Variants in MICU1 observed in about 807,000 individuals in gnomAD.
MICU1 encodes the protein calcium uptake protein 1, mitochondrial.
A neutral mutation model predicts 56.8 loss-of-function variants in MICU1; 45 were observed. That is an observed-to-expected ratio of 0.79 (90% CI 0.62 to 1.02). The LOEUF is 1.02. Ranked by LOEUF, MICU1 falls within the 50% of genes least tolerant of loss-of-function variation. The pLI is 0.00. For missense variants in MICU1, 504 were observed against 587.1 expected (o/e 0.86, Z 1.46); for synonymous variants, 186 against 195.1 (o/e 0.95, Z 0.39).
chr10:72,569,229 A>ATTTTTTTT (rs1246062078), intron 1 of MICU1, among the ~76,000 whole-genome samples: 115 of 37,700 alleles, frequency 3.1e-3, no homozygotes, highest in South Asian at 9.5e-3. Context: ...ATATATATAT[A>ATTTTTTTT]TATATATATT....
At chr10:72,391,346 C>A (rs945702680) in intron 10 of MICU1, among the ~76,000 whole-genome samples, 1 of 151,946 alleles carries the variant, frequency 6.6e-6, no homozygotes, top group African/African-American at 2.4e-5. Context: ...GCAGGAGGAT[C>A]GCTTGAATCT....
intron 9 of MICU1, among the ~76,000 whole-genome samples, chr10:72,411,085 T>C (rs559500701): frequency 2.6e-5 from 4 of 152,126 alleles, no homozygotes; most frequent in African/African-American, 9.7e-5. Flanking sequence ...CTCGAAGACA[T>C]TATGCCAAGT....
At chr10:72,445,704 G>T (rs1349956040) in intron 8 of MICU1, among the ~76,000 whole-genome samples, 1 of 152,198 alleles carries the variant, frequency 6.6e-6, no homozygotes, top group Non-Finnish European at 1.5e-5. Flanking sequence ...TTTGCAGTTA[G>T]GCAGACTTGG....
Position 72,372,923 on chromosome 10 carries a change from A to AG in MICU1, c.1270+2859_1270+2860insC, listed in dbSNP as rs558479918. Reference sequence around the variant, plus strand: ...AACAAGAGTGAGCCTCAAAAAAAAAAAAAAAAGAAAAAAGAAAAAGAAGCT... The same window carrying AG: ...AACAAGAGTGAGCCTCAAAAAAAAAAGAAAAAAGAAAAAAGAAAAAGAAGCT... On this transcript the variant is annotated intron_variant, in intron 11 of 11. Coordinates refer to ENST00000361114, the MANE Select transcript of MICU1 (RefSeq NM_001195518.2). Among the ~76,000 whole-genome samples, 420 of 151,920 alleles carry AG rather than the reference A, an allele frequency of 2.8e-3. 2 individuals carry two copies. The highest frequency in any genetic ancestry group is 9.6e-3 in the African/African-American group (398 of 41,484).
intron 1 of MICU1, among the ~76,000 whole-genome samples, chr10:72,617,441 T>C (rs1478052348): frequency 1.3e-5 from 2 of 152,134 alleles, no homozygotes; most frequent in Non-Finnish European, 2.9e-5. Context: ...TGATATCCAT[T>C]ACCTTATTTA....
chr10:72,442,495 T>C (rs988096336), intron 8 of MICU1, among the ~76,000 whole-genome samples: 1 of 152,176 alleles, frequency 6.6e-6, no homozygotes, highest in Non-Finnish European at 1.5e-5. Context: ...GTAAGGAGAA[T>C]CCAATCTATT....
At chr10:72,467,211 T>C (rs185750125) in intron 8 of MICU1, among the ~76,000 whole-genome samples, 1 of 152,192 alleles carries the variant, frequency 6.6e-6, no homozygotes, top group East Asian at 1.9e-4. Flanking sequence ...TGAGACAGAG[T>C]CTTGCCCTGT....
intron 6 of MICU1, among the ~76,000 whole-genome samples, chr10:72,504,147 A>G (rs1867167204): frequency 2.0e-5 from 3 of 152,192 alleles, no homozygotes; most frequent in Non-Finnish European, 2.9e-5. Flanking sequence ...TAAAGTTCAT[A>G]TGGAATCAAA....
At chr10:72,380,110 A>G (rs1862651178) in intron 10 of MICU1, among the ~76,000 whole-genome samples, 1 of 152,098 alleles carries the variant, frequency 6.6e-6, no homozygotes, top group Non-Finnish European at 1.5e-5. Context: ...AAGCAGAACA[A>G]GTTTTCCTCC....
chr10:72,475,099 C>T lies in MICU1; in HGVS notation c.933+1G>A, dbSNP rs1408898855. 1.2e-6 allele frequency: 2 copies of T among 1,606,576 alleles called. No individual in the cohort carries two copies. The highest frequency in any genetic ancestry group is 1.7e-6 in the Non-Finnish European group (2 of 1,176,270). ...ATCTACTGAGTCTAAGGAAGACCTACCTCAAGCTTCAGAACATCATGCTGC... is the reference window on the plus strand; with the variant it reads ...ATCTACTGAGTCTAAGGAAGACCTATCTCAAGCTTCAGAACATCATGCTGC... On this transcript the variant is annotated splice_donor_variant, in intron 8 of 11. Transcript: ENST00000361114. LOFTEE classifies it high-confidence loss of function.
Position 72,572,232 on chromosome 10 carries a change from A to G in MICU1, c.-1-5438T>C, listed in dbSNP as rs191836739. On this transcript the variant is annotated intron_variant, in intron 1 of 11. Transcript: ENST00000361114. ...TCTCATATCTTTGGTAGAAAACACT[A>G]TAACAAAATTTAATTAATTTCATTT... 1.2e-3 allele frequency among the ~76,000 whole-genome samples: 187 copies of G among 152,270 alleles called. 1 individual carries two copies. The highest frequency in any genetic ancestry group is 4.0e-3 in the African/African-American group (168 of 41,568).
At chr10:72,595,438 ACT>A in intron 1 of MICU1, among the ~76,000 whole-genome samples, 1 of 134,562 alleles carries the variant, frequency 7.4e-6, no homozygotes, top group South Asian at 2.4e-4. Context: ...GGTGACAGAG[ACT>A]CTGTCTCAAA....
chr10:72,433,322 C>A (rs1053552657), intron 8 of MICU1, among the ~76,000 whole-genome samples: 3 of 151,924 alleles, frequency 2.0e-5, no homozygotes, highest in African/African-American at 7.3e-5. Context: ...CAGCTCATCA[C>A]TGCAACCTCT....
At chr10:72,601,247 C>A (rs1425739616) in intron 1 of MICU1, among the ~76,000 whole-genome samples, 1 of 151,742 alleles carries the variant, frequency 6.6e-6, no homozygotes, top group Non-Finnish European at 1.5e-5. Flanking sequence ...AATAAGGAGA[C>A]CCTGTATCTA....
intron 1 of MICU1, among the ~76,000 whole-genome samples, chr10:72,593,024 GATCCACCCAC>G (rs1478014126): frequency 6.6e-6 from 1 of 151,772 alleles, no homozygotes; most frequent in African/African-American, 2.4e-5. Flanking sequence ...GACCTCAGGT[GATCCACCCAC>G]TTCGCCCTCC....
At chr10:72,377,492 A>C (rs1490661047) in intron 10 of MICU1, among the ~76,000 whole-genome samples, 2 of 152,166 alleles carry the variant, frequency 1.3e-5, no homozygotes, top group African/African-American at 4.8e-5. Context: ...GCAAAAAATC[A>C]CTTTTCTCTT....
At chr10:72,607,166 C>T (rs930859403) in intron 1 of MICU1, among the ~76,000 whole-genome samples, 2 of 151,762 alleles carry the variant, frequency 1.3e-5, no homozygotes, top group African/African-American at 4.8e-5. Context: ...CATGGTGAAA[C>T]CCTGTCTCTT....
At chr10:72,584,082 A>T (rs1589366075) in intron 1 of MICU1, among the ~76,000 whole-genome samples, 1 of 152,372 alleles carries the variant, frequency 6.6e-6, no homozygotes, top group South Asian at 2.1e-4. Context: ...GATTTGAGAC[A>T]GAAGCTTTGC....
At chr10:72,380,663 G>A (rs1016181619) in intron 10 of MICU1, among the ~76,000 whole-genome samples, 2 of 152,210 alleles carry the variant, frequency 1.3e-5, no homozygotes, top group African/African-American at 4.8e-5. Flanking sequence ...GAGGAAATGT[G>A]ACGTTAAATA....
Sources: gnomAD v4.1 joint callset for allele counts (sites outside exome capture counted in the v4.1 genomes callset) on GRCh38, gnomAD v4.1.1 for gene constraint, MANE v1.5 for transcripts, NCBI Gene and HGNC (gene_info 2026-07-23, HGNC 2026-07-21) for gene names.